Variants in CADM2 observed in about 807,000 individuals in gnomAD.
CADM2 encodes immunoglobulin superfamily member 4D.
Under a neutral mutation model 49.8 loss-of-function variants are expected in CADM2, and 12 were observed. The ratio of observed to expected loss-of-function variants is 0.24; its 90% CI spans 0.15 to 0.39. CADM2 has a LOEUF of 0.39. CADM2 is among the 10% of genes least tolerant of loss of function. The probability of loss-of-function intolerance (pLI) is 1.00; values close to 1 mark genes in which losing one functional copy is unlikely to be tolerated. For synonymous variants in CADM2, 214 were observed against 175.4 expected (o/e 1.22, Z -1.74); for missense variants, 378 against 492.3 (o/e 0.77, Z 2.20).
intron 1 of CADM2, among the ~76,000 whole-genome samples, chr3:85,676,280 C>CT (rs1281632627): frequency 1.3e-5 from 2 of 152,216 alleles, no homozygotes; most frequent in South Asian, 2.1e-4. Context: ...CCTTAATGAT[C>CT]TTTTTTGTCT....
chr3:85,210,004 CT>C, intron 1 of CADM2, among the ~76,000 whole-genome samples: 1 of 152,180 alleles, frequency 6.6e-6, no homozygotes, highest in African/African-American at 2.4e-5. Context: ...TCATGGAAAT[CT>C]GGAAGAAAAA....
chr3:85,405,565 G>A (rs1270602153), intron 1 of CADM2, among the ~76,000 whole-genome samples: 1 of 152,100 alleles, frequency 6.6e-6, no homozygotes, highest in Non-Finnish European at 1.5e-5. Flanking sequence ...GATCAAGGTT[G>A]CCCTCACTCA....
At chr3:85,009,048 T>A (rs962460015) in intron 1 of CADM2, among the ~76,000 whole-genome samples, 1 of 152,178 alleles carries the variant, frequency 6.6e-6, no homozygotes, top group African/African-American at 2.4e-5. Context: ...CTAGTGTATG[T>A]ATAGTGAGAG....
At chr3:85,483,665 G>C (rs918217183) in intron 1 of CADM2, among the ~76,000 whole-genome samples, 3 of 149,496 alleles carry the variant, frequency 2.0e-5, no homozygotes, top group Non-Finnish European at 3.0e-5. Context: ...ATATATATTT[G>C]ATATATATTT....
chr3:85,602,249 G>T (rs1053604532), intron 1 of CADM2, among the ~76,000 whole-genome samples: 4 of 151,622 alleles, frequency 2.6e-5, no homozygotes, highest in Non-Finnish European at 5.9e-5. Context: ...ATGTGTTTGA[G>T]AACTTAATTA....
chr3:85,990,042 A>AAAAAAAAACAAAAAAAAAAAAAAAAAG (rs1436572625), intron 8 of CADM2, among the ~76,000 whole-genome samples: 1 of 108,002 alleles, frequency 9.3e-6, no homozygotes, highest in Admixed American at 1.2e-4. Flanking sequence ...AAAAAAAAAA[A>AAAAAAAAACAAAAAAAAAAAAAAAAAG]AAGAAGACTA....
At chr3:85,952,988 AT>A (rs33913655) in intron 7 of CADM2, among the ~76,000 whole-genome samples, 7,503 of 148,276 alleles carry the variant, frequency 0.051, 353 homozygotes, top group African/African-American at 0.12. Context: ...TTCTTACTTT[AT>A]TTTTTTTTTC....
chr3:85,515,265 A>ATCTTTTAG (rs1320661809), intron 1 of CADM2, among the ~76,000 whole-genome samples: 3 of 152,154 alleles, frequency 2.0e-5, no homozygotes, highest in African/African-American at 7.2e-5. Context: ...ATCAGTTAAC[A>ATCTTTTAG]AATGTAACAT....
At chr3:85,456,918 G>A (rs995408281) in intron 1 of CADM2, among the ~76,000 whole-genome samples, 3 of 151,258 alleles carry the variant, frequency 2.0e-5, no homozygotes, top group Non-Finnish European at 2.9e-5. Flanking sequence ...AATGAAAAAC[G>A]GATGTGTGCA....
chr3:85,428,542 A>G (rs2107515365), intron 1 of CADM2, among the ~76,000 whole-genome samples: 1 of 145,932 alleles, frequency 6.9e-6, no homozygotes, highest in East Asian at 2.0e-4. Flanking sequence ...ACACACATAA[A>G]TAAATAATAT....
chr3:85,192,759 G>C (rs2041239093), intron 1 of CADM2, among the ~76,000 whole-genome samples: 1 of 152,020 alleles, frequency 6.6e-6, no homozygotes, highest in Non-Finnish European at 1.5e-5. Context: ...CATGGAGCAA[G>C]AGAAAAGGTG....
chr3:86,021,139 A>T (rs905508964), intron 8 of CADM2, among the ~76,000 whole-genome samples: 4 of 152,134 alleles, frequency 2.6e-5, no homozygotes, highest in African/African-American at 9.7e-5. Flanking sequence ...AGCTGGAATT[A>T]CAGGCATCCA....
At chr3:86,060,480 A>T (rs567880441) in intron 8 of CADM2, among the ~76,000 whole-genome samples, 1 of 152,166 alleles carries the variant, frequency 6.6e-6, no homozygotes, top group African/African-American at 2.4e-5. Context: ...GCATCAGAAC[A>T]GAGAGTCTTT....
At chr3:86,013,840 G>T in intron 8 of CADM2, 1 of 1,591,560 alleles carries the variant, frequency 6.3e-7, no homozygotes, top group Non-Finnish European at 8.6e-7. Context: ...ATTGTGTCTA[G>T]TGGATTTTCT....
rs527626826 is a variant in CADM2, at chr3:85,152,980, G to T, written c.61+193312G>T. Among the ~76,000 whole-genome samples the T allele has an allele frequency of 1.6e-4, 23 of 146,432 alleles. No individual in the cohort carries two copies. The East Asian group carries it at 3.1e-3, about 19-fold the overall frequency. Reference sequence around the variant, plus strand: ...CTCCATCTCAAAAAAAAAAAAAAATGTAAAAAAAAAATCTTTCAATTGGCA... The same window carrying T: ...CTCCATCTCAAAAAAAAAAAAAAATTTAAAAAAAAAATCTTTCAATTGGCA... On this transcript the variant is annotated intron_variant, in intron 1 of 9. Coordinates refer to ENST00000383699, the MANE Select transcript of CADM2 (RefSeq NM_001167675.2).
chr3:85,210,378 C>G (rs531088236), intron 1 of CADM2, among the ~76,000 whole-genome samples: 1 of 151,952 alleles, frequency 6.6e-6, no homozygotes, highest in Non-Finnish European at 1.5e-5. Flanking sequence ...AATCAGCTAG[C>G]ATTTTATTGA....
intron 1 of CADM2, among the ~76,000 whole-genome samples, chr3:85,205,297 C>T (rs1207685043): frequency 1.3e-5 from 2 of 152,084 alleles, no homozygotes; most frequent in Non-Finnish European, 2.9e-5. Flanking sequence ...TGCTGGGATT[C>T]CAGGTTTGAG....
At chr3:85,221,605 T>G (rs1311259899) in intron 1 of CADM2, among the ~76,000 whole-genome samples, 1 of 152,152 alleles carries the variant, frequency 6.6e-6, no homozygotes, top group East Asian at 1.9e-4. Flanking sequence ...CTGTTTTTTA[T>G]GTAACCATAA....
chr3:85,857,832 G>T (rs1367675605), intron 3 of CADM2, among the ~76,000 whole-genome samples: 1 of 152,120 alleles, frequency 6.6e-6, no homozygotes, highest in African/African-American at 2.4e-5. Flanking sequence ...ACCACCATCA[G>T]CAGTGCAGAT....
Sources: allele counts gnomAD v4.1 joint callset (sites outside exome capture counted in the v4.1 genomes callset), GRCh38; gene constraint gnomAD v4.1.1; transcripts MANE v1.5; gene names NCBI Gene and HGNC (gene_info 2026-07-23, HGNC 2026-07-21).